Variants in USP33 observed in about 807,000 individuals in gnomAD.
The protein encoded by USP33 is ubiquitin carboxyl-terminal hydrolase 33.
In USP33, 46 loss-of-function variants were observed where a neutral mutation model predicts 124.2. That is an observed-to-expected ratio of 0.37 (90% CI 0.29 to 0.47). USP33 has a LOEUF of 0.47. USP33 is among the 20% of genes least tolerant of loss of function. The pLI is 0.99. For synonymous variants in USP33, 350 were observed against 352.3 expected, an observed-to-expected ratio of 0.99 and a Z score of 0.07; for missense variants, 851 against 1,070.6, an observed-to-expected ratio of 0.79 and a Z score of 2.86.
rs1294502736 is a variant in USP33 at position 77,723,447 on chromosome 1, G to C, written c.1277-4C>G. ...CTCTTTGGAGATGCAGACTGAGCTA[G>C]GATTGAAAAACATTAAAAAAAAATC... On this transcript the variant is annotated splice_region_variant and splice_polypyrimidine_tract_variant and intron_variant, in intron 11 of 23. Coordinates refer to ENST00000370794, the MANE Select transcript of USP33 (RefSeq NM_201624.3). 5.1e-6 allele frequency: 8 copies of C among 1,577,506 alleles called. No homozygotes were observed. Among genetic ancestry groups the C allele is most frequent in the South Asian group, 1.2e-5 (1 of 85,856 alleles).
intron 22 of USP33, among the ~76,000 whole-genome samples, chr1:77,698,915 G>C (rs903012461): frequency 6.6e-6 from 1 of 152,108 alleles, no homozygotes; most frequent in African/African-American, 2.4e-5. Context: ...ATTTGCTTCA[G>C]ATTATCAAAG....
chr1:77,756,417 T>C (rs1182512162), intron 1 of USP33, among the ~76,000 whole-genome samples: 1 of 152,206 alleles, frequency 6.6e-6, no homozygotes, highest in East Asian at 1.9e-4. Flanking sequence ...TCCTTTCAGC[T>C]CACTTCAATG....
intron 1 of USP33, among the ~76,000 whole-genome samples, chr1:77,749,863 T>C (rs576570131): frequency 1.3e-5 from 2 of 152,186 alleles, no homozygotes; most frequent in Non-Finnish European, 2.9e-5. Flanking sequence ...GATCAGAGGA[T>C]TGAAAAGAAA....
intron 21 of USP33, among the ~76,000 whole-genome samples, chr1:77,701,983 T>C (rs556572249): frequency 6.6e-6 from 1 of 151,534 alleles, no homozygotes; most frequent in South Asian, 2.1e-4. Context: ...ACACAAAAAA[T>C]TTTTTTAATT....
In USP33 at chr1:77,728,393, G is replaced by C; in HGVS notation, c.1037C>G (p.Ser346Cys). The C allele has an allele frequency of 6.2e-7, 1 of 1,613,920 alleles. No individual in the cohort carries two copies. Among genetic ancestry groups the C allele is most frequent in the Non-Finnish European group, 8.5e-7 (1 of 1,179,986 alleles). The stretch of plus-strand genomic sequence containing the variant: ...TCTATCTTTATCAAATTCGCCTTCA[G>C]AATTTACTTTATTAATCTTATTGCA... ...KMCNKINKVN[S>C]EGEFDKDRDS... is the part of the protein sequence containing the mutation. The change falls in exon 10 of 24, where the codon TCT becomes TGT. Residue 346 changes from serine (S) to cysteine (C), a missense_variant. By Grantham distance (112) the Ser-to-Cys change is moderately radical. Transcript: ENST00000370794.
At chr1:77,755,829 G>A (rs1227631522) in intron 1 of USP33, among the ~76,000 whole-genome samples, 1 of 152,198 alleles carries the variant, frequency 6.6e-6, no homozygotes, top group African/African-American at 2.4e-5. Context: ...ACTGTGATAA[G>A]CCCTGGGGGA....
chr1:77,749,707 G>A (rs17098297), intron 1 of USP33, among the ~76,000 whole-genome samples: 5,021 of 152,102 alleles, frequency 0.033, 141 homozygotes, highest in East Asian at 0.15. Flanking sequence ...AATCCCTAAA[G>A]ATGAGTACTG....
At chr1:77,712,983 G>C (rs1216437541) in intron 20 of USP33, among the ~76,000 whole-genome samples, 1 of 152,314 alleles carries the variant, frequency 6.6e-6, no homozygotes, top group Non-Finnish European at 1.5e-5. Context: ...AATTACCACA[G>C]CATACCTTCA....
rs1274575542 is a variant in USP33, at chr1:77,730,634, G to A, written c.622C>T (p.Leu208=). 6.3e-7 allele frequency: 1 copy of A among 1,590,294 alleles called. No individual in the cohort carries two copies. ...CKSYLKLMTE[L]WHKSRPGSVV... ...GTTACATACCTGCTTTTATGCCACA[G>A]CTCTGTCATTAGTTTGAGATAACTT... Residue 208 remains leucine (L), a synonymous_variant, in exon 8 of 24, where the codon CTG becomes TTG. Coordinates refer to ENST00000370794, the MANE Select transcript of USP33 (RefSeq NM_201624.3).
At chr1:77,729,586 G>A (rs1373367455) in intron 9 of USP33, among the ~76,000 whole-genome samples, 6 of 151,970 alleles carry the variant, frequency 3.9e-5, no homozygotes, top group South Asian at 2.1e-4. Flanking sequence ...CAGGAGAATC[G>A]CTTGAATTCG....
rs2101167791 is a variant in USP33 at position 77,701,484 on chromosome 1, A to G, written c.2407-13T>C. The G allele has an allele frequency of 1.9e-6, 3 of 1,593,806 alleles. No individual in the cohort carries two copies. Among genetic ancestry groups the G allele is most frequent in the African/African-American group, 1.3e-5 (1 of 74,116 alleles). On this transcript the variant is annotated splice_polypyrimidine_tract_variant and intron_variant, in intron 21 of 23. Coordinates refer to ENST00000370794, the MANE Select transcript of USP33 (RefSeq NM_201624.3). ...ACGCTCTGTTAAGCTACAAGGGGGA[A>G]AAAAAACAGTCATCTAATATCTAAA...
At position 77,728,578 on chromosome 1, in the gene USP33, A is replaced by G. The variant is rs143270489; in HGVS notation, c.852T>C (p.Asp284=). 3.7e-6 allele frequency: 6 copies of G among 1,614,020 alleles called. No individual in the cohort carries two copies. In the African/African-American group the frequency reaches 6.7e-5, roughly 18 times the overall value. ...AAGATTCACAAGACTGAAAATCTAC[A>G]TCCGACTGGCTCTTGTCTTCTTCCA... is the stretch of plus-strand genomic sequence containing the variant. ...ETMEEDKSQS[D]VDFQSCESCS... Residue 284 remains aspartate, a synonymous_variant, in exon 10 of 24, where the codon GAT becomes GAC. Transcript: ENST00000370794.
At chr1:77,729,697 T>C (rs1677581839) in intron 9 of USP33, among the ~76,000 whole-genome samples, 163 bp downstream of exon 9, 1 of 151,670 alleles carries the variant, frequency 6.6e-6, no homozygotes, top group African/African-American at 2.4e-5. Context: ...TAAAGGAAAG[T>C]TGAAAAAATA....
At position 77,739,563 on chromosome 1, in the gene USP33, C is replaced by A. The variant is rs1031754832; in HGVS notation, c.199-146G>T. The A allele has an allele frequency of 2.5e-5, 19 of 747,498 alleles. 1 individual carries two copies. Among genetic ancestry groups the A allele is most frequent in the Admixed American group, 2.2e-4 (6 of 27,474 alleles). The allele number at this position is 747,498 out of a possible 1,614,324, so 46.3% of individuals were successfully genotyped here. A position where few individuals can be genotyped will look rare whatever the true frequency, so the allele number is the denominator to read the frequency against. On this transcript the variant is annotated intron_variant, in intron 4 of 23. Coordinates refer to ENST00000370794, the MANE Select transcript of USP33 (RefSeq NM_201624.3). ...GCTAATTTAGAACATGAAAAAAATT[C>A]TTTAGATAAACTTCTAAGGTATAAT...
At chr1:77,711,615 A>G (rs764290798) in intron 21 of USP33, 132 bp downstream of exon 21, 160 of 1,438,336 alleles carry the variant, frequency 1.1e-4, no homozygotes, top group Non-Finnish European at 1.4e-4. Flanking sequence ...GTCATTCACC[A>G]TTATGCACCT....
chr1:77,758,680 C>T (rs988576930), intron 1 of USP33, among the ~76,000 whole-genome samples: 3 of 152,080 alleles, frequency 2.0e-5, no homozygotes, highest in Non-Finnish European at 4.4e-5. Flanking sequence ...TTGGTCAGAC[C>T]TTTCCAAATA....
chr1:77,726,602 T>G (rs1482379062), intron 10 of USP33, among the ~76,000 whole-genome samples: 2 of 149,282 alleles, frequency 1.3e-5, no homozygotes, highest in Non-Finnish European at 3.0e-5. Context: ...GATGTGATCA[T>G]GCCACTGCAC....
Position 77,696,684 on chromosome 1 carries a change from C to T in USP33, c.*633G>A, listed in dbSNP as rs1039561976. 1 of 152,156 alleles carries T rather than the reference C, an allele frequency of 6.6e-6. No homozygotes were observed. Among genetic ancestry groups the T allele is most frequent in the African/African-American group, 2.4e-5 (1 of 41,434 alleles). 9.4% of individuals were successfully genotyped at this position (152,156 alleles called of 1,614,324 possible). ...TGATTTAGGACAATGAAAAAGTTTTCAAAGCAAAAGTATTTACAACACTAC... is the reference window on the plus strand; with the variant it reads ...TGATTTAGGACAATGAAAAAGTTTTTAAAGCAAAAGTATTTACAACACTAC... On this transcript the variant is annotated 3_prime_UTR_variant, in exon 24 of 24. Transcript: ENST00000370794.
intron 17 of USP33, among the ~76,000 whole-genome samples, chr1:77,716,409 T>G (rs188335458): frequency 3.9e-5 from 6 of 152,272 alleles, no homozygotes; most frequent in Admixed American, 3.9e-4. Flanking sequence ...TAAAGTACAC[T>G]GACACAGATA....
Sources: allele counts gnomAD v4.1 joint callset (sites outside exome capture counted in the v4.1 genomes callset), GRCh38; gene constraint gnomAD v4.1.1; transcripts MANE v1.5; gene names NCBI Gene and HGNC (gene_info 2026-07-23, HGNC 2026-07-21).